Variants in SYP observed in about 807,000 individuals in gnomAD.
The protein encoded by SYP is synaptophysin.
Under a neutral mutation model 24.3 loss-of-function variants are expected in SYP, and 2 were observed. That is an observed-to-expected ratio of 0.08 (90% CI 0.03 to 0.26). The LOEUF is 0.26. Ranked by LOEUF, SYP falls within the 10% of genes least tolerant of loss-of-function variation. The pLI is 1.00. For synonymous variants in SYP, 143 were observed against 123.2 expected, an observed-to-expected ratio of 1.16 and a Z score of -1.07; for missense variants, 216 against 266.3, an observed-to-expected ratio of 0.81 and a Z score of 1.32.
chrX:49,196,381 G>A (rs1557103347), intron 3 of SYP, among the ~76,000 whole-genome samples: 1 of 111,222 alleles, frequency 9.0e-6, no homozygotes, highest in Non-Finnish European at 1.9e-5. Flanking sequence ...CTCCCCACTG[G>A]GTGATCACTT....
chrX:49,200,057 C>A, intron 1 of SYP, 94 bp downstream of exon 1: 2 of 1,089,532 alleles, frequency 1.8e-6, no homozygotes, highest in Non-Finnish European at 2.5e-6. Flanking sequence ...GCTGCCAGAC[C>A]CTGGCCACCA....
intron 2 of SYP, 67 bp from the exon 3 acceptor site, chrX:49,197,906 C>T: frequency 2.5e-6 from 3 of 1,185,698 alleles, no homozygotes; most frequent in Non-Finnish European, 3.4e-6. Flanking sequence ...GTGCCCTCCT[C>T]TGGACAGATC....
chrX:49,191,855 G>A, intron 5 of SYP, 92 bp from the exon 6 acceptor site: 1 of 989,039 alleles, frequency 1.0e-6, no homozygotes, highest in East Asian at 3.3e-5. Context: ...GAATCCGTAG[G>A]CTCCGCAAGG....
intron 6 of SYP, among the ~76,000 whole-genome samples, 152 bp from the exon 7 acceptor site, chrX:49,189,434 T>C (rs1238469910): frequency 2.7e-5 from 3 of 110,943 alleles, no homozygotes; most frequent in Non-Finnish European, 5.7e-5. Flanking sequence ...TGAGAAGATA[T>C]ACCTGACCTT....
At chrX:49,191,398 A>G (rs782791775) in intron 6 of SYP, 35 bp downstream of exon 6, 10 of 1,192,206 alleles carry the variant, frequency 8.4e-6, no homozygotes, top group African/African-American at 1.8e-5. Flanking sequence ...CCTTCCTTGT[A>G]CCCTCCTTGG....
Position 49,194,241 on chromosome X carries a change from G to A in SYP, c.348C>T (p.Leu116=). The part of the protein sequence containing the change: ...FFVTVAVFAF[L]YSMGALATYI... ...AGGTGGCCAGAGCCCCCATGGAGTA[G>A]AGGAAGGCAAACACGGCCACGGTGA... The change falls in exon 4 of 7, where the codon CTC becomes CTT. Residue 116 remains leucine, a synonymous_variant. Transcript: ENST00000263233. 2 of 1,211,953 alleles carry A rather than the reference G, an allele frequency of 1.7e-6. No homozygotes were observed. Among genetic ancestry groups the A allele is most frequent in the Non-Finnish European group, 2.2e-6 (2 of 895,548 alleles).
At chrX:49,199,712 A>T (rs1557103731) in intron 1 of SYP, among the ~76,000 whole-genome samples, 1 of 107,031 alleles carries the variant, frequency 9.3e-6, no homozygotes, top group Non-Finnish European at 1.9e-5. Flanking sequence ...GTGGTCGCCT[A>T]TGGGGGTACA....
chrX:49,193,137 G>A (rs1238295334), intron 5 of SYP, 135 bp downstream of exon 5: 1 of 697,987 alleles, frequency 1.4e-6, no homozygotes, highest in African/African-American at 2.1e-5. Flanking sequence ...CTTCAACGTT[G>A]TTGTTGGCAC....
chrX:49,192,305 C>T (rs1306121294), intron 5 of SYP, among the ~76,000 whole-genome samples: 1 of 111,902 alleles, frequency 8.9e-6, no homozygotes, highest in African/African-American at 3.3e-5. Context: ...AGCAATTCTC[C>T]TGCCTCAGCC....
intron 3 of SYP, among the ~76,000 whole-genome samples, chrX:49,194,577 T>G (rs1176781850): frequency 9.0e-6 from 1 of 111,540 alleles, no homozygotes; most frequent in African/African-American, 3.3e-5. Flanking sequence ...CCAAGCACTC[T>G]GGCCTCTTGA....
chrX:49,191,135 T>G, intron 6 of SYP: 12 of 373,901 alleles, frequency 3.2e-5, no homozygotes, highest in East Asian at 4.8e-5. Context: ...TTCCCTCCCT[T>G]TATTGGTTGC....
At position 49,191,769 on chromosome X, in the gene SYP, G is replaced by C; in HGVS notation, c.616-6C>G. Reference sequence around the variant, plus strand: ...AGGTTCAGGAAGCCGAACACCTGCAGGGAGACAAGGCTCGGCTGTGGTACC... The same window carrying C: ...AGGTTCAGGAAGCCGAACACCTGCACGGAGACAAGGCTCGGCTGTGGTACC... On this transcript the variant is annotated splice_polypyrimidine_tract_variant and splice_region_variant and intron_variant, in intron 5 of 6. Coordinates refer to ENST00000263233, the MANE Select transcript of SYP (RefSeq NM_003179.3). 8.3e-7 allele frequency: 1 copy of C among 1,200,568 alleles called. No homozygotes were observed. Among genetic ancestry groups the C allele is most frequent in the Non-Finnish European group, 1.1e-6 (1 of 889,251 alleles).
In SYP at chrX:49,192,281, G is replaced by A. The variant is rs1195383005; in HGVS notation, c.616-518C>T. On this transcript the variant is annotated intron_variant, in intron 5 of 6. Transcript: ENST00000263233. Reference sequence around the variant, plus strand: ...ACGATCTCGGCTCACCACAACCTTCGCCTCCCGGGTTCAAGCAATTCTCCT... The same window carrying A: ...ACGATCTCGGCTCACCACAACCTTCACCTCCCGGGTTCAAGCAATTCTCCT... Among the ~76,000 whole-genome samples, 4 of 111,524 alleles carry A rather than the reference G, an allele frequency of 3.6e-5. No individual in the cohort carries two copies. In the East Asian group the frequency reaches 1.1e-3, roughly 31 times the overall value.
intron 6 of SYP, 81 bp downstream of exon 6, chrX:49,191,352 C>A (rs1557102666): frequency 9.2e-7 from 1 of 1,090,726 alleles, no homozygotes; most frequent in Admixed American, 2.5e-5. Context: ...GTACTCTCTA[C>A]CCCTGACTCT....
At position 49,188,255 on chromosome X, in the gene SYP, C is replaced by T. The variant is rs1557102219; in HGVS notation, c.*1032G>A. ...TCGACTCTTCTCAGGCCACTTCCGT[C>T]CCAAGTCGTAGCCAGAGCCATTCTC... On this transcript the variant is annotated 3_prime_UTR_variant, in exon 7 of 7. Coordinates refer to ENST00000263233, the MANE Select transcript of SYP (RefSeq NM_003179.3). 1 of 111,525 alleles carries T rather than the reference C, an allele frequency of 9.0e-6. No individual in the cohort carries two copies. The highest frequency in any genetic ancestry group is 1.9e-5 in the Non-Finnish European group (1 of 53,027). 9.2% of individuals were successfully genotyped at this position (111,525 alleles called of 1,213,427 possible). A position where few individuals can be genotyped will look rare whatever the true frequency, so the allele number is the denominator to read the frequency against.
rs782195398 is a variant in SYP, at chrX:49,197,703, G to A, written c.227+12C>T. The A allele has an allele frequency of 2.2e-5, 26 of 1,204,950 alleles. No individual in the cohort carries two copies. Among genetic ancestry groups the A allele is most frequent in the Non-Finnish European group, 2.8e-5 (25 of 892,308 alleles). ...CTCCCAGGTCTGTTGGTATCCCAGG[G>A]TGGGAGCACACCTGAAGGGGTACTC... On this transcript the variant is annotated intron_variant, in intron 3 of 6. Coordinates refer to ENST00000263233, the MANE Select transcript of SYP (RefSeq NM_003179.3).
intron 4 of SYP, 148 bp from the exon 5 acceptor site, chrX:49,193,611 A>G (rs1250526275): frequency 1.6e-6 from 1 of 621,169 alleles, no homozygotes; most frequent in Non-Finnish European, 2.5e-6. Flanking sequence ...TTTCACCTGA[A>G]GGTGGCCCTC....
chrX:49,198,764 T>G, intron 2 of SYP: 2 of 415,373 alleles, frequency 4.8e-6, no homozygotes, highest in Non-Finnish European at 8.5e-6. Context: ...ACAACGGGGG[T>G]ACCCTCAGCC....
intron 2 of SYP, chrX:49,198,135 C>G (rs782493785): frequency 1.4e-5 from 5 of 353,298 alleles, no homozygotes; most frequent in African/African-American, 2.6e-5. Context: ...CTGTTTCTCT[C>G]GGTATCTCTG....
Sources: gnomAD v4.1 joint callset for allele counts (sites outside exome capture counted in the v4.1 genomes callset) on GRCh38, gnomAD v4.1.1 for gene constraint, MANE v1.5 for transcripts, NCBI Gene and HGNC (gene_info 2026-07-23, HGNC 2026-07-21) for gene names.